IL1RAPL1: variants seen among roughly 807,000 people sequenced by gnomAD.
The protein encoded by IL1RAPL1 is interleukin-1 receptor accessory protein-like 1.
A neutral mutation model predicts 48.4 loss-of-function variants in IL1RAPL1; 3 were observed. That is an observed-to-expected ratio of 0.06 (90% CI 0.03 to 0.16). The LOEUF (loss-of-function observed/expected upper bound fraction) is 0.16, where lower values mean the gene tolerates loss of function less well. Among genes scored for constraint, IL1RAPL1 ranks in the 10% least tolerant of loss-of-function variants. The probability of loss-of-function intolerance (pLI) is 1.00; values close to 1 mark genes in which losing one functional copy is unlikely to be tolerated. For missense variants in IL1RAPL1, 349 were observed against 530.6 expected, an observed-to-expected ratio of 0.66 and a Z score of 3.36; for synonymous variants, 185 against 187.7, an observed-to-expected ratio of 0.99 and a Z score of 0.12.
At chrX:29,752,408 A>G (rs953399555) in intron 6 of IL1RAPL1, among the ~76,000 whole-genome samples, 1 of 104,785 alleles carries the variant, frequency 9.5e-6, no homozygotes, top group African/African-American at 3.5e-5. Context: ...AGGCAGGAGA[A>G]TCGCTTGAAC....
At chrX:29,591,650 C>T (rs758229875) in intron 5 of IL1RAPL1, among the ~76,000 whole-genome samples, 2 of 112,334 alleles carry the variant, frequency 1.8e-5, no homozygotes, top group Non-Finnish European at 3.8e-5. Context: ...CAGCAGTCAC[C>T]GGAGAACCAG....
intron 6 of IL1RAPL1, among the ~76,000 whole-genome samples, chrX:29,824,799 A>T (rs951130448): frequency 9.0e-6 from 1 of 111,155 alleles, no homozygotes; most frequent in African/African-American, 3.3e-5. Flanking sequence ...CTTTCCTATG[A>T]GATAGGGCTA....
intron 5 of IL1RAPL1, among the ~76,000 whole-genome samples, chrX:29,583,744 A>G (rs1418248057): frequency 9.6e-6 from 1 of 103,638 alleles, no homozygotes; most frequent in Non-Finnish European, 2.0e-5. Context: ...GAACCAAAAA[A>G]GAGCCCGCAT....
intron 6 of IL1RAPL1, among the ~76,000 whole-genome samples, chrX:29,822,101 A>G (rs1010623158): frequency 2.7e-5 from 3 of 112,161 alleles, no homozygotes; most frequent in African/African-American, 6.5e-5. Flanking sequence ...TGTATTTAGC[A>G]TCATTTAGAA....
chrX:29,424,879 C>G (rs1337161003), intron 5 of IL1RAPL1, among the ~76,000 whole-genome samples: 1 of 111,663 alleles, frequency 9.0e-6, no homozygotes, highest in East Asian at 2.8e-4. Flanking sequence ...GATGGTTACC[C>G]TTTTTGAACT....
At chrX:29,284,572 A>T (rs1445244122) in intron 3 of IL1RAPL1, among the ~76,000 whole-genome samples, 1 of 111,074 alleles carries the variant, frequency 9.0e-6, no homozygotes, top group Non-Finnish European at 1.9e-5. Context: ...GCAAAACCCC[A>T]TCTCTACTAA....
At chrX:29,170,007 C>T (rs1929877608) in intron 2 of IL1RAPL1, among the ~76,000 whole-genome samples, 1 of 110,925 alleles carries the variant, frequency 9.0e-6, no homozygotes, top group African/African-American at 3.3e-5. Context: ...AAATACCTTA[C>T]AAAAAAGTAA....
At chrX:29,032,707 T>TTGCA (rs1253741642) in intron 2 of IL1RAPL1, among the ~76,000 whole-genome samples, 1 of 111,615 alleles carries the variant, frequency 9.0e-6, no homozygotes, top group Admixed American at 9.5e-5. Context: ...TTCTTCTAGC[T>TTGCA]TGCATGCATG....
intron 6 of IL1RAPL1, among the ~76,000 whole-genome samples, chrX:29,745,382 C>G (rs1408705605): frequency 1.1e-5 from 1 of 88,336 alleles, no homozygotes; most frequent in African/African-American, 4.4e-5. Flanking sequence ...ATTATCCAGT[C>G]TTTGCAGGGT....
chrX:29,197,059 C>G (rs1181820159), intron 2 of IL1RAPL1, among the ~76,000 whole-genome samples: 3 of 110,533 alleles, frequency 2.7e-5, no homozygotes, highest in Admixed American at 2.0e-4. Flanking sequence ...TTTCCTTATT[C>G]TGTGTCCCTT....
At chrX:29,843,516 G>A (rs1381658681) in intron 6 of IL1RAPL1, among the ~76,000 whole-genome samples, 1 of 111,664 alleles carries the variant, frequency 9.0e-6, no homozygotes, top group East Asian at 2.8e-4. Context: ...CACAGACTTA[G>A]AGGCTTAAAA....
At chrX:29,921,147 C>A (rs1321028929) in intron 8 of IL1RAPL1, among the ~76,000 whole-genome samples, 1 of 112,281 alleles carries the variant, frequency 8.9e-6, no homozygotes, top group Non-Finnish European at 1.9e-5. Flanking sequence ...AAATAAGTGA[C>A]AACTGTAAAA....
At chrX:29,779,785 G>T (rs979986514) in intron 6 of IL1RAPL1, among the ~76,000 whole-genome samples, 2 of 110,943 alleles carry the variant, frequency 1.8e-5, no homozygotes, top group African/African-American at 6.5e-5. Flanking sequence ...TAATGCATTC[G>T]CTTCTCATGA....
At chrX:28,679,357 A>T (rs970553926) in intron 1 of IL1RAPL1, among the ~76,000 whole-genome samples, 1 of 111,536 alleles carries the variant, frequency 9.0e-6, no homozygotes, top group Admixed American at 9.5e-5. Context: ...GATATTAACC[A>T]CTTATTAGTT....
chrX:29,281,256 C>T, intron 2 of IL1RAPL1, among the ~76,000 whole-genome samples: 1 of 111,534 alleles, frequency 9.0e-6, no homozygotes, highest in African/African-American at 3.3e-5. Flanking sequence ...TGCCCTTTTG[C>T]TCAACATTTG....
intron 2 of IL1RAPL1, among the ~76,000 whole-genome samples, chrX:28,882,137 A>T (rs574261926): frequency 8.5e-4 from 93 of 109,727 alleles, no homozygotes; most frequent in South Asian, 3.4e-3. Context: ...AAATTAAAAA[A>T]ATATATATAT....
chrX:29,049,250 C>T (rs913853913), intron 2 of IL1RAPL1, among the ~76,000 whole-genome samples: 7 of 112,516 alleles, frequency 6.2e-5, no homozygotes, highest in African/African-American at 2.3e-4. Context: ...ATACACAGAA[C>T]ACATTCACCA....
chrX:28,724,142 G>A (rs1429692955), intron 1 of IL1RAPL1, among the ~76,000 whole-genome samples: 1 of 111,207 alleles, frequency 9.0e-6, no homozygotes, highest in African/African-American at 3.3e-5. Context: ...CAATTCCTGG[G>A]TATCCTTATT....
intron 2 of IL1RAPL1, among the ~76,000 whole-genome samples, chrX:29,020,299 A>G (rs1418895815): frequency 2.7e-5 from 3 of 112,322 alleles, no homozygotes; most frequent in Non-Finnish European, 5.6e-5. Context: ...TAAATGACAG[A>G]CCAAATTTAC....
Sources: allele counts gnomAD v4.1 joint callset (sites outside exome capture counted in the v4.1 genomes callset), GRCh38; gene constraint gnomAD v4.1.1; transcripts MANE v1.5; gene names NCBI Gene and HGNC (gene_info 2026-07-23, HGNC 2026-07-21).